The following MAGI2 variants were observed in gnomAD, a reference collection of about 807,000 sequenced individuals.
MAGI2 encodes the protein membrane-associated guanylate kinase, WW and PDZ domain-containing protein 2.
A neutral mutation model predicts 133.3 loss-of-function variants in MAGI2; 35 were observed. The ratio of observed to expected loss-of-function variants is 0.26; its 90% CI spans 0.20 to 0.35. MAGI2 has a LOEUF of 0.35. Among genes scored for constraint, MAGI2 ranks in the 10% least tolerant of loss-of-function variants. The probability of loss-of-function intolerance (pLI) is 1.00; values close to 1 mark genes in which losing one functional copy is unlikely to be tolerated. For synonymous variants in MAGI2, 729 were observed against 710.6 expected (o/e 1.03, Z -0.41); for missense variants, 1,636 against 1,863.4 (o/e 0.88, Z 2.25).
intron 10 of MAGI2, among the ~76,000 whole-genome samples, chr7:78,244,063 C>A (rs968071370): frequency 2.0e-5 from 3 of 150,248 alleles, no homozygotes; most frequent in Non-Finnish European, 3.0e-5. Context: ...GTGGCTCACA[C>A]CTGGAATCAC....
chr7:78,378,942 G>C (rs773602546), intron 6 of MAGI2, among the ~76,000 whole-genome samples: 6 of 152,004 alleles, frequency 3.9e-5, no homozygotes, highest in Admixed American at 6.6e-5. Context: ...ACGTACTATT[G>C]CTTAGGCAAC....
intron 10 of MAGI2, among the ~76,000 whole-genome samples, chr7:78,242,500 T>C (rs1169245627): frequency 1.3e-5 from 2 of 152,214 alleles, no homozygotes; most frequent in Non-Finnish European, 2.9e-5. Flanking sequence ...ACTCATGCTG[T>C]GGATTTGTGA....
intron 2 of MAGI2, among the ~76,000 whole-genome samples, chr7:78,936,015 T>G (rs1157974066): frequency 2.0e-5 from 3 of 152,148 alleles, no homozygotes; most frequent in Non-Finnish European, 2.9e-5. Context: ...TCAATACATT[T>G]CATGTCTTCC....
chr7:78,573,265 T>TTTATATAAATATATATATATATATAA (rs1563188593), intron 3 of MAGI2, among the ~76,000 whole-genome samples: 1 of 21,394 alleles, frequency 4.7e-5, no homozygotes, highest in Non-Finnish European at 8.0e-5. Flanking sequence ...TAAATATAAA[T>TTTATATAAATATATATATATATATAA]ATATATAAAT....
chr7:79,065,485 G>T (rs1322724366), intron 1 of MAGI2, among the ~76,000 whole-genome samples: 1 of 151,996 alleles, frequency 6.6e-6, no homozygotes, highest in Non-Finnish European at 1.5e-5. Context: ...AGAACTTGCA[G>T]TTTATTGTGT....
intron 21 of MAGI2, among the ~76,000 whole-genome samples, chr7:78,040,503 C>T (rs1167904888): frequency 1.3e-5 from 2 of 151,356 alleles, no homozygotes; most frequent in Admixed American, 1.3e-4. Flanking sequence ...TCTCAACCTT[C>T]CCTGGGTGGG....
chr7:78,749,733 A>G (rs1245849162), intron 2 of MAGI2, among the ~76,000 whole-genome samples: 2 of 152,198 alleles, frequency 1.3e-5, no homozygotes, highest in Non-Finnish European at 2.9e-5. Context: ...AGATTAAAAA[A>G]GACCTGGACT....
At chr7:78,461,943 A>AGAAAG (rs1268741293) in intron 6 of MAGI2, among the ~76,000 whole-genome samples, 22 of 140,270 alleles carry the variant, frequency 1.6e-4, no homozygotes, top group South Asian at 2.3e-4. Context: ...AAAAAAAAAA[A>AGAAAG]AAAAGAAAGA....
At chr7:78,432,300 T>C (rs1258912027) in intron 6 of MAGI2, among the ~76,000 whole-genome samples, 1 of 151,988 alleles carries the variant, frequency 6.6e-6, no homozygotes, top group Admixed American at 6.6e-5. Flanking sequence ...TGAAATTAAT[T>C]GATGTTATTA....
At chr7:79,335,427 T>C (rs1840372713) in intron 1 of MAGI2, among the ~76,000 whole-genome samples, 1 of 151,980 alleles carries the variant, frequency 6.6e-6, no homozygotes, top group Non-Finnish European at 1.5e-5. Context: ...GAAAGATCCT[T>C]GGAAAATGTA....
At chr7:78,037,466 T>C (rs1253448394) in intron 21 of MAGI2, among the ~76,000 whole-genome samples, 1 of 152,212 alleles carries the variant, frequency 6.6e-6, no homozygotes, top group Admixed American at 6.5e-5. Flanking sequence ...AATTTTTATT[T>C]CTGCGAACAG....
At chr7:78,328,129 T>G (rs1480770686) in intron 9 of MAGI2, among the ~76,000 whole-genome samples, 1 of 152,148 alleles carries the variant, frequency 6.6e-6, no homozygotes, top group African/African-American at 2.4e-5. Context: ...CTGGGCAAAA[T>G]GTCTCCTTTT....
intron 10 of MAGI2, among the ~76,000 whole-genome samples, chr7:78,205,239 C>T (rs1164298342): frequency 3.3e-5 from 5 of 152,222 alleles, no homozygotes; most frequent in Non-Finnish European, 5.9e-5. Flanking sequence ...TAAAGCGATC[C>T]TCCCTCCTCA....
chr7:79,257,217 C>T (rs576840709), intron 1 of MAGI2, among the ~76,000 whole-genome samples: 21 of 152,022 alleles, frequency 1.4e-4, no homozygotes, highest in Non-Finnish European at 2.8e-4. Flanking sequence ...CAGTTCAATA[C>T]ATAAATTATT....
chr7:78,991,661 CT>C (rs1805800800), intron 2 of MAGI2, among the ~76,000 whole-genome samples: 1 of 150,418 alleles, frequency 6.6e-6, no homozygotes, highest in Admixed American at 6.6e-5. Flanking sequence ...TATAGCTAGG[CT>C]TTTTGGGAAC....
chr7:78,974,219 T>C (rs1804039729), intron 2 of MAGI2, among the ~76,000 whole-genome samples: 1 of 151,826 alleles, frequency 6.6e-6, no homozygotes, highest in Non-Finnish European at 1.5e-5. Flanking sequence ...AAAACCCTAT[T>C]GAATCTTTCA....
chr7:78,889,380 G>A (rs142403102), intron 2 of MAGI2, among the ~76,000 whole-genome samples: 4,081 of 152,210 alleles, frequency 0.027, 76 homozygotes, highest in Middle Eastern at 0.051. Flanking sequence ...TACAGAGAAT[G>A]CCACAAAGAT....
At chr7:79,318,407 CAATGTA>C in intron 1 of MAGI2, among the ~76,000 whole-genome samples, 1 of 152,172 alleles carries the variant, frequency 6.6e-6, no homozygotes, top group Non-Finnish European at 1.5e-5. Context: ...ATAAAAAACA[CAATGTA>C]AGTTGATTGA....
At chr7:78,977,683 T>G (rs1804414092) in intron 2 of MAGI2, among the ~76,000 whole-genome samples, 1 of 151,722 alleles carries the variant, frequency 6.6e-6, no homozygotes, top group Admixed American at 6.6e-5. Flanking sequence ...ATGAAAAAAA[T>G]TAGACTTTAT....
Sources: gnomAD v4.1 joint callset for allele counts (sites outside exome capture counted in the v4.1 genomes callset) on GRCh38, gnomAD v4.1.1 for gene constraint, MANE v1.5 for transcripts, NCBI Gene and HGNC (gene_info 2026-07-23, HGNC 2026-07-21) for gene names.